Variants in CTNNA3 observed in about 807,000 individuals in gnomAD.
The protein encoded by CTNNA3 is catenin alpha-3.
A neutral mutation model predicts 95.7 loss-of-function variants in CTNNA3; 76 were observed. That is an observed-to-expected ratio of 0.79 (90% confidence interval 0.66 to 0.96). The LOEUF (loss-of-function observed/expected upper bound fraction) is 0.96, where lower values mean the gene tolerates loss of function less well. Among genes scored for constraint, CTNNA3 ranks in the 40% least tolerant of loss-of-function variants. The pLI, the probability that CTNNA3 is intolerant of heterozygous loss-of-function variation, is 0.00. For missense variants in CTNNA3, 1,191 were observed against 1,089.8 expected (o/e 1.09, Z -1.31); for synonymous variants, 431 against 374.4 (o/e 1.15, Z -1.74).
At chr10:66,327,401 A>C (rs528446252) in intron 12 of CTNNA3, among the ~76,000 whole-genome samples, 1 of 152,154 alleles carries the variant, frequency 6.6e-6, no homozygotes, top group Admixed American at 6.5e-5. Flanking sequence ...TGTGTCAAAA[A>C]ATATTTTTGG....
At chr10:66,592,233 T>C (rs989220931) in intron 10 of CTNNA3, among the ~76,000 whole-genome samples, 11 of 152,232 alleles carry the variant, frequency 7.2e-5, no homozygotes, top group African/African-American at 1.2e-4. Context: ...ATACTTTTCA[T>C]AGGATTGTTG....
intron 15 of CTNNA3, among the ~76,000 whole-genome samples, chr10:65,990,672 A>T (rs1322800537): frequency 6.6e-6 from 1 of 151,162 alleles, no homozygotes; most frequent in Non-Finnish European, 1.5e-5. Context: ...TTAAATATTA[A>T]ATATTTAAAT....
At chr10:67,632,267 T>C (rs1181902445) in intron 2 of CTNNA3, among the ~76,000 whole-genome samples, 1 of 151,078 alleles carries the variant, frequency 6.6e-6, no homozygotes, top group Non-Finnish European at 1.5e-5. Flanking sequence ...ACACCCTGAA[T>C]GTACAGAATT....
At chr10:66,857,803 G>C (rs10822933) in intron 7 of CTNNA3, among the ~76,000 whole-genome samples, 1 of 151,732 alleles carries the variant, frequency 6.6e-6, no homozygotes, top group Non-Finnish European at 1.5e-5. Context: ...GAAGCTTCTG[G>C]GAAGACACTG....
chr10:67,202,619 C>T (rs1355466258), intron 6 of CTNNA3, among the ~76,000 whole-genome samples: 1 of 152,090 alleles, frequency 6.6e-6, no homozygotes, highest in East Asian at 1.9e-4. Context: ...TAATAATTCT[C>T]ATAGGCTACT....
intron 5 of CTNNA3, among the ~76,000 whole-genome samples, chr10:67,244,464 T>G (rs1407093902): frequency 6.6e-6 from 1 of 152,160 alleles, no homozygotes; most frequent in Non-Finnish European, 1.5e-5. Flanking sequence ...AGAGGTAACT[T>G]AGGTTGATAA....
chr10:66,787,162 G>A (rs1472430779), intron 7 of CTNNA3, among the ~76,000 whole-genome samples: 2 of 152,124 alleles, frequency 1.3e-5, no homozygotes, highest in Non-Finnish European at 2.9e-5. Context: ...CTTCCTAGAT[G>A]TGTGAACTTA....
chr10:67,480,149 C>T (rs1028338208), intron 5 of CTNNA3, among the ~76,000 whole-genome samples: 2 of 151,756 alleles, frequency 1.3e-5, no homozygotes, highest in Non-Finnish European at 2.9e-5. Context: ...GTCAAAATTC[C>T]ACCAGATGTA....
intron 13 of CTNNA3, among the ~76,000 whole-genome samples, chr10:66,188,841 C>T (rs1182121655): frequency 6.6e-6 from 1 of 151,958 alleles, no homozygotes; most frequent in African/African-American, 2.4e-5. Flanking sequence ...ATCTAAATTC[C>T]CACCAAGAGT....
At chr10:66,047,456 AC>A (rs1361250138) in intron 15 of CTNNA3, among the ~76,000 whole-genome samples, 2 of 152,170 alleles carry the variant, frequency 1.3e-5, no homozygotes, top group African/African-American at 4.8e-5. Flanking sequence ...CTCTCCATAA[AC>A]CAGATATTGA....
chr10:66,731,175 C>G (rs1437556954), intron 9 of CTNNA3, among the ~76,000 whole-genome samples: 1 of 152,048 alleles, frequency 6.6e-6, no homozygotes, highest in Non-Finnish European at 1.5e-5. Context: ...GTACATTTAC[C>G]AGAAGAAAAT....
intron 7 of CTNNA3, chr10:66,926,772 T>G: frequency 1.0e-6 from 1 of 952,608 alleles, no homozygotes; most frequent in South Asian, 1.8e-5. Context: ...CTAAAGACAA[T>G]TCTCTTTAAT....
chr10:66,530,116 T>C (rs1173138880), intron 10 of CTNNA3, among the ~76,000 whole-genome samples: 2 of 152,202 alleles, frequency 1.3e-5, no homozygotes, highest in Non-Finnish European at 1.5e-5. Flanking sequence ...TAGTTCAATA[T>C]TGGCATTGAT....
chr10:66,397,861 A>G (rs2092991775), intron 11 of CTNNA3, among the ~76,000 whole-genome samples: 1 of 151,816 alleles, frequency 6.6e-6, no homozygotes, highest in South Asian at 2.1e-4. Context: ...GGTCTTTATG[A>G]AAATAATTTT....
intron 5 of CTNNA3, among the ~76,000 whole-genome samples, chr10:67,346,289 A>G (rs1472999927): frequency 1.3e-5 from 2 of 152,064 alleles, no homozygotes; most frequent in East Asian, 1.9e-4. Context: ...TTATAATATT[A>G]TGTGTATTTC....
At chr10:66,175,432 T>G (rs1314363097) in intron 13 of CTNNA3, among the ~76,000 whole-genome samples, 1 of 152,174 alleles carries the variant, frequency 6.6e-6, no homozygotes, top group African/African-American at 2.4e-5. Context: ...CACCAGTGGA[T>G]GCAGTGTAGG....
chr10:66,935,343 G>C (rs1391905995), intron 7 of CTNNA3, among the ~76,000 whole-genome samples: 1 of 152,056 alleles, frequency 6.6e-6, no homozygotes, highest in African/African-American at 2.4e-5. Flanking sequence ...GAAAACTCTA[G>C]GAAGTTTACC....
intron 7 of CTNNA3, among the ~76,000 whole-genome samples, chr10:66,903,528 G>C (rs557044029): frequency 3.9e-5 from 6 of 152,104 alleles, no homozygotes. Flanking sequence ...TTCTGGCCAG[G>C]ACAATTAGGC....
At chr10:66,694,399 A>C (rs1035016956) in intron 9 of CTNNA3, among the ~76,000 whole-genome samples, 1 of 152,150 alleles carries the variant, frequency 6.6e-6, no homozygotes, top group African/African-American at 2.4e-5. Flanking sequence ...ACACCCTCCC[A>C]AGACGAAACC....
Sources: gnomAD v4.1 joint callset for allele counts (sites outside exome capture counted in the v4.1 genomes callset) on GRCh38, gnomAD v4.1.1 for gene constraint, MANE v1.5 for transcripts, NCBI Gene and HGNC (gene_info 2026-07-23, HGNC 2026-07-21) for gene names.